Variants in DYSF observed in about 807,000 individuals in gnomAD.
DYSF encodes dysferlin.
A neutral mutation model predicts 274.9 loss-of-function variants in DYSF; 212 were observed. The ratio of observed to expected loss-of-function variants is 0.77; its 90% confidence interval spans 0.69 to 0.86. The LOEUF (loss-of-function observed/expected upper bound fraction) is 0.86. Ranked by LOEUF, DYSF falls within the 40% of genes least tolerant of loss-of-function variation. The pLI, the probability that DYSF is intolerant of heterozygous loss-of-function variation, is 0.00. For missense variants in DYSF, 2,666 were observed against 2,783.2 expected (o/e 0.96, Z 0.95); for synonymous variants, 1,091 against 1,078.7 (o/e 1.01, Z -0.22).
chr2:71,528,346 G>C lies in DYSF; in HGVS notation c.1325G>C (p.Ser442Thr). The C allele has an allele frequency of 1.2e-6, 2 of 1,614,218 alleles. No homozygotes were observed. The highest frequency in any genetic ancestry group is 1.6e-4 in the Middle Eastern group (1 of 6,062). The change falls in exon 14 of 56, where the codon AGT (serine) becomes ACT (threonine). Residue 442 changes from serine to threonine, a missense_variant. Physicochemically the swap from Ser to Thr is moderately conservative, Grantham distance 58. Around this residue, in one of 3 missense-constraint regions of DYSF, gnomAD observed 794 missense variants for 777.1 expected, o/e 1.02. Transcript: ENST00000410020. ...GTGAAACAGATCTTTGGCTTCGAGA[G>C]TAACAAGAAGAACTTGGTGGACCCC... is the stretch of plus-strand genomic sequence containing the variant. ...DNVKQIFGFE[S>T]NKKNLVDPFV... is the part of the protein sequence containing the mutation.
chr2:71,563,922 TGGACAGTGTGTG>T, intron 23 of DYSF, 124 bp from the exon 24 acceptor site: 1 of 1,263,392 alleles, frequency 7.9e-7, no homozygotes, highest in Non-Finnish European at 1.1e-6. Flanking sequence ...AAGGCCAGGG[TGGACAGTGTGTG>T]GGATGGAAGC....
intron 39 of DYSF, 59 bp downstream of exon 39, chr2:71,612,865 C>T: frequency 6.4e-7 from 1 of 1,564,708 alleles, no homozygotes; most frequent in Non-Finnish European, 8.7e-7. Context: ...GGCCAAGCTA[C>T]CCTTCCTAGT....
chr2:71,604,430 G>C (rs761744561), intron 36 of DYSF, among the ~76,000 whole-genome samples: 2 of 152,202 alleles, frequency 1.3e-5, no homozygotes, highest in Non-Finnish European at 2.9e-5. Context: ...CTGCTCCCAG[G>C]CTCCTGGCCC....
At position 71,668,655 on chromosome 2, in the gene DYSF, TTC is replaced by T. The variant is rs1573089429; in HGVS notation, c.5458-95_5458-94del. 5.1e-6 allele frequency: 6 copies of T among 1,172,032 alleles called. No individual in the cohort carries two copies. The East Asian group carries it at 1.5e-4, about 30-fold the overall frequency. The allele number at this position is 1,172,032 out of a possible 1,614,324, so 72.6% of individuals were successfully genotyped here. On this transcript the variant is annotated intron_variant, in intron 48 of 55. Transcript: ENST00000410020. ...AGGCTTTCTCTGGAAGGGCCTGGGT[TTC>T]TCTGTTCTGTGCCCTCAGCATCTGG...
intron 42 of DYSF, among the ~76,000 whole-genome samples, chr2:71,651,028 G>A (rs2094648394): frequency 6.6e-6 from 1 of 152,230 alleles, no homozygotes; most frequent in Admixed American, 6.5e-5. Context: ...CAAAACAAAT[G>A]AGGCAATGCC....
At chr2:71,510,159 T>A (rs2085936241) in intron 4 of DYSF, among the ~76,000 whole-genome samples, 1 of 152,254 alleles carries the variant, frequency 6.6e-6, no homozygotes, top group Non-Finnish European at 1.5e-5. Context: ...TCATCTTGTA[T>A]CTTCCCTGCC....
At chr2:71,669,960 C>T (rs1269207478) in intron 51 of DYSF, among the ~76,000 whole-genome samples, 1 of 152,332 alleles carries the variant, frequency 6.6e-6, no homozygotes, top group Non-Finnish European at 1.5e-5. Context: ...GTGATGGCCT[C>T]TGTCCCATCA....
intron 43 of DYSF, among the ~76,000 whole-genome samples, chr2:71,657,241 T>C (rs976370609): frequency 1.3e-5 from 2 of 152,220 alleles, no homozygotes; most frequent in Non-Finnish European, 2.9e-5. Flanking sequence ...CAAAATGATC[T>C]CCTTTGACTC....
intron 36 of DYSF, among the ~76,000 whole-genome samples, chr2:71,609,136 T>C (rs1379626509): frequency 6.6e-6 from 1 of 152,158 alleles, no homozygotes; most frequent in Non-Finnish European, 1.5e-5. Flanking sequence ...GGGGTCCCCA[T>C]AGCAGCCAGG....
At chr2:71,557,892 TGTG>T (rs933388864) in intron 22 of DYSF, among the ~76,000 whole-genome samples, 1 of 151,782 alleles carries the variant, frequency 6.6e-6, no homozygotes, top group Non-Finnish European at 1.5e-5. Flanking sequence ...ATTAGCCATG[TGTG>T]GTGGCGGGTG....
chr2:71,514,768 C>G (rs191558663), intron 7 of DYSF, among the ~76,000 whole-genome samples: 1 of 152,264 alleles, frequency 6.6e-6, no homozygotes, highest in Non-Finnish European at 1.5e-5. Context: ...CTAGCTCTAA[C>G]CACTGTTTGC....
chr2:71,643,964 G>A lies in DYSF; in HGVS notation c.4528-1G>A. On this transcript the variant is annotated splice_acceptor_variant, in intron 41 of 55. Transcript: ENST00000410020. LOFTEE classifies it high-confidence loss of function. ...TGGTCTCTTTCTTTCTACCCACTCA[G>A]GAGGAAGAGTTCATCGATTGGTGGA... 6.2e-7 allele frequency: 1 copy of A among 1,607,698 alleles called. No individual in the cohort carries two copies. The highest frequency in any genetic ancestry group is 8.5e-7 in the Non-Finnish European group (1 of 1,176,480).
At position 71,544,503 on chromosome 2, in the gene DYSF, A is replaced by G. The variant is rs1336540017; in HGVS notation, c.1576+5264A>G. Among the ~76,000 whole-genome samples the G allele has an allele frequency of 1.2e-4, 16 of 128,768 alleles. No individual in the cohort carries two copies. The Admixed American group carries it at 1.4e-3, about 11-fold the overall frequency. 84.5% of individuals were successfully genotyped at this position (128,768 alleles called of 152,430 possible). ...AGATGGAGTCTTGCTCTTTTCGCCC[A>G]GCCTGTAGTGCAGTGGTGTGATCTT... On this transcript the variant is annotated intron_variant, in intron 17 of 55. Coordinates refer to ENST00000410020, the MANE Select transcript of DYSF (RefSeq NM_001130987.2).
At chr2:71,522,319 A>C (rs2087378328) in intron 12 of DYSF, among the ~76,000 whole-genome samples, 1 of 151,594 alleles carries the variant, frequency 6.6e-6, no homozygotes, top group Non-Finnish European at 1.5e-5. Context: ...CCTCTTCAGT[A>C]GGAATCCCAC....
chr2:71,612,780 A>C lies in DYSF; in HGVS notation c.4361A>C (p.Glu1454Ala). 1 of 1,613,830 alleles carries C rather than the reference A, an allele frequency of 6.2e-7. No individual in the cohort carries two copies. The highest frequency in any genetic ancestry group is 8.5e-7 in the Non-Finnish European group (1 of 1,179,788). ...TTCCTGTGTGACCCCTACTCGGCGG[A>C]GAGTCCATCCCCACAGGGTGGCCCA... ...ESFLCDPYSA[E>A]SPSPQGGPDD... is the part of the protein sequence containing the mutation. The change falls in exon 39 of 56, where the codon GAG becomes GCG. Residue 1454 changes from glutamate (E) to alanine (A), a missense_variant. This residue lies in a region of DYSF where 1,460 missense variants were observed against 1,502.1 expected (regional missense o/e 0.97). Coordinates refer to ENST00000410020, the MANE Select transcript of DYSF (RefSeq NM_001130987.2).
At chr2:71,568,370 C>A in intron 26 of DYSF, 32 bp downstream of exon 26, 1 of 1,611,234 alleles carries the variant, frequency 6.2e-7, no homozygotes, top group African/African-American at 1.3e-5. Flanking sequence ...CTGGGGAGAG[C>A]CAGGCCAGGC....
intron 40 of DYSF, among the ~76,000 whole-genome samples, chr2:71,618,568 T>TGGTAGAGGTGGGGTG (rs2093996474): frequency 5.7e-5 from 1 of 17,566 alleles, no homozygotes; most frequent in Non-Finnish European, 1.2e-4. Context: ...GAGTGTGTGT[T>TGGTAGAGGTGGGGTG]TGTGTGGGGT....
intron 24 of DYSF, among the ~76,000 whole-genome samples, chr2:71,566,195 AC>A (rs2092091786): frequency 8.1e-6 from 1 of 123,048 alleles, no homozygotes; most frequent in Non-Finnish European, 1.6e-5. Context: ...AGTGGGGCTG[AC>A]CGGGGAAGGC....
At chr2:71,563,552 G>A (rs2091908486) in intron 23 of DYSF, among the ~76,000 whole-genome samples, 1 of 152,182 alleles carries the variant, frequency 6.6e-6, no homozygotes, top group African/African-American at 2.4e-5. Flanking sequence ...GTGTCTTCAG[G>A]CCATGGGAGT....
Sources: gnomAD v4.1 joint callset for allele counts (sites outside exome capture counted in the v4.1 genomes callset) on GRCh38, gnomAD v4.1.1 for gene constraint, gnomAD v4.1.1 regional missense constraint, MANE v1.5 for transcripts, NCBI Gene and HGNC (gene_info 2026-07-23, HGNC 2026-07-21) for gene names.